The following CTNND2 variants were observed in gnomAD, a reference collection of about 807,000 sequenced individuals.
CTNND2 encodes the protein catenin delta-2.
Under a neutral mutation model 144.4 loss-of-function variants are expected in CTNND2, and 22 were observed. That is an observed-to-expected ratio of 0.15 (90% CI 0.11 to 0.22). CTNND2 has a LOEUF of 0.22. Ranked by LOEUF, CTNND2 falls within the 10% of genes least tolerant of loss-of-function variation. The pLI is 1.00. For synonymous variants in CTNND2, 751 were observed against 695.6 expected (o/e 1.08, Z -1.25); for missense variants, 1,353 against 1,618.8 (o/e 0.84, Z 2.82).
intron 1 of CTNND2, among the ~76,000 whole-genome samples, chr5:11,735,033 T>C (rs1016552734): frequency 3.9e-5 from 6 of 152,184 alleles, no homozygotes; most frequent in African/African-American, 1.4e-4. Flanking sequence ...AAATCTGTTA[T>C]GAACAGAATA....
chr5:11,264,100 C>A (rs1335053984), intron 9 of CTNND2, among the ~76,000 whole-genome samples: 5 of 152,112 alleles, frequency 3.3e-5, no homozygotes, highest in Admixed American at 1.3e-4. Flanking sequence ...TCAGAATGAC[C>A]AATTAACTGA....
chr5:10,977,052 G>A (rs1736579868), intron 21 of CTNND2, among the ~76,000 whole-genome samples: 1 of 152,208 alleles, frequency 6.6e-6, no homozygotes, highest in African/African-American at 2.4e-5. Context: ...AGCCCTTTGG[G>A]GAATTCTGGC....
intron 5 of CTNND2, among the ~76,000 whole-genome samples, chr5:11,398,435 CCT>C (rs1357022328): frequency 6.6e-6 from 1 of 152,084 alleles, no homozygotes; most frequent in African/African-American, 2.4e-5. Context: ...CTTCCCAATC[CCT>C]CTGATTTTCT....
intron 3 of CTNND2, among the ~76,000 whole-genome samples, chr5:11,546,635 CA>C (rs1252907234): frequency 6.6e-6 from 1 of 152,060 alleles, no homozygotes; most frequent in Non-Finnish European, 1.5e-5. Flanking sequence ...CCAAGAGTAA[CA>C]AAAACTCTGT....
chr5:11,433,256 A>C (rs1003807649), intron 3 of CTNND2, among the ~76,000 whole-genome samples: 6 of 152,278 alleles, frequency 3.9e-5, no homozygotes, highest in Non-Finnish European at 7.4e-5. Flanking sequence ...ACACACACAA[A>C]AAAAAATTAT....
intron 18 of CTNND2, among the ~76,000 whole-genome samples, chr5:10,996,723 C>T (rs1739394499): frequency 2.6e-5 from 4 of 152,220 alleles, no homozygotes; most frequent in South Asian, 2.1e-4. Flanking sequence ...CTCAGCCTCC[C>T]AAATATCTGG....
chr5:11,262,146 C>T (rs1744921592), intron 9 of CTNND2, among the ~76,000 whole-genome samples: 1 of 152,112 alleles, frequency 6.6e-6, no homozygotes, highest in Non-Finnish European at 1.5e-5. Context: ...AAGATCTGAC[C>T]TTCCCAGAAG....
chr5:11,302,138 T>C (rs1051970431), intron 9 of CTNND2, among the ~76,000 whole-genome samples: 6 of 152,214 alleles, frequency 3.9e-5, no homozygotes, highest in Non-Finnish European at 8.8e-5. Flanking sequence ...TTAATTGATA[T>C]CTGCCCTCTT....
At chr5:11,283,164 T>G (rs1747337639) in intron 9 of CTNND2, among the ~76,000 whole-genome samples, 3 of 152,192 alleles carry the variant, frequency 2.0e-5, no homozygotes, top group Admixed American at 6.5e-5. Context: ...TTAACCAGAC[T>G]GCTTAATCCA....
chr5:11,119,815 G>C (rs1284941787), intron 12 of CTNND2, among the ~76,000 whole-genome samples: 1 of 152,168 alleles, frequency 6.6e-6, no homozygotes, highest in African/African-American at 2.4e-5. Flanking sequence ...AGGGTAGCGT[G>C]TGTACACCCT....
intron 1 of CTNND2, among the ~76,000 whole-genome samples, chr5:11,882,876 G>C (rs1328400635): frequency 6.6e-6 from 1 of 152,042 alleles, no homozygotes; most frequent in African/African-American, 2.4e-5. Flanking sequence ...TGATTGAATT[G>C]AATCTATAGA....
intron 3 of CTNND2, among the ~76,000 whole-genome samples, chr5:11,442,648 T>C (rs1182664564): frequency 6.6e-6 from 1 of 151,826 alleles, no homozygotes; most frequent in African/African-American, 2.4e-5. Context: ...ATCAGACACA[T>C]TGGATTCTGC....
intron 2 of CTNND2, among the ~76,000 whole-genome samples, chr5:11,641,551 G>T (rs1044803845): frequency 1.5e-4 from 19 of 130,794 alleles, no homozygotes; most frequent in Non-Finnish European, 2.5e-4. Flanking sequence ...GCATACATAT[G>T]GGATATGTAC....
At chr5:11,124,536 C>T (rs1042541418) in intron 12 of CTNND2, among the ~76,000 whole-genome samples, 2 of 152,184 alleles carry the variant, frequency 1.3e-5, no homozygotes, top group African/African-American at 4.8e-5. Flanking sequence ...GTTAAAAACT[C>T]TCTGTAAAGG....
chr5:11,557,568 G>C (rs1038690647), intron 3 of CTNND2, among the ~76,000 whole-genome samples: 1 of 151,966 alleles, frequency 6.6e-6, no homozygotes, highest in Non-Finnish European at 1.5e-5. Flanking sequence ...CTCTAGCTTC[G>C]AATTGAATTT....
intron 9 of CTNND2, among the ~76,000 whole-genome samples, chr5:11,240,844 A>T (rs1742328400): frequency 7.6e-6 from 1 of 132,432 alleles, no homozygotes; most frequent in Non-Finnish European, 1.6e-5. Context: ...CCCCCAACAC[A>T]CACCCAACAC....
chr5:11,033,838 G>GCAA (rs35130130), intron 16 of CTNND2, among the ~76,000 whole-genome samples: 155 of 151,690 alleles, frequency 1.0e-3, no homozygotes, highest in African/African-American at 2.7e-3. Context: ...AACAACAACA[G>GCAA]CAACAACAAC....
At chr5:11,207,831 A>C (rs1738211765) in intron 10 of CTNND2, among the ~76,000 whole-genome samples, 1 of 152,218 alleles carries the variant, frequency 6.6e-6, no homozygotes, top group Admixed American at 6.5e-5. Context: ...AAGTGAAGAC[A>C]CCGGTTACCA....
chr5:11,715,397 C>T (rs1786295117), intron 2 of CTNND2, among the ~76,000 whole-genome samples: 1 of 152,186 alleles, frequency 6.6e-6, no homozygotes, highest in Non-Finnish European at 1.5e-5. Context: ...GTAACCATTC[C>T]TTCTGAGTGA....
Sources: allele counts gnomAD v4.1 joint callset (sites outside exome capture counted in the v4.1 genomes callset), GRCh38; gene constraint gnomAD v4.1.1; transcripts MANE v1.5; gene names NCBI Gene and HGNC (gene_info 2026-07-23, HGNC 2026-07-21).